The following SNRNP48 variants were observed in gnomAD, a reference collection of about 807,000 sequenced individuals.
SNRNP48 encodes small nuclear ribonucleoprotein U11/U12 subunit 48.
SNRNP48 carries 43 observed loss-of-function variants against 47.0 expected under a neutral mutation model. That is an observed-to-expected ratio of 0.92 (90% CI 0.72 to 1.18). SNRNP48 has a LOEUF of 1.18. Among genes scored for constraint, SNRNP48 ranks in the 50% most tolerant of loss-of-function variants. The probability of loss-of-function intolerance (pLI) is 0.00; values close to 1 mark genes in which losing one functional copy is unlikely to be tolerated. For missense variants in SNRNP48, 396 were observed against 422.2 expected (o/e 0.94, Z 0.54); for synonymous variants, 138 against 144.0 (o/e 0.96, Z 0.30).
intron 6 of SNRNP48, 24 bp downstream of exon 6, chr6:7,602,768 G>A: frequency 2.6e-6 from 4 of 1,513,252 alleles, no homozygotes; most frequent in Non-Finnish European, 2.6e-6. Context: ...AATCTTTGTT[G>A]ATAAGAATTT....
intron 7 of SNRNP48, among the ~76,000 whole-genome samples, chr6:7,605,791 C>T (rs139550320): frequency 6.6e-6 from 1 of 152,294 alleles, no homozygotes; most frequent in East Asian, 1.9e-4. Context: ...TTATGTCCTA[C>T]TGCTCAAGGT....
chr6:7,594,928 T>A, intron 3 of SNRNP48, 99 bp from the exon 4 acceptor site: 5 of 930,038 alleles, frequency 5.4e-6, no homozygotes, highest in Non-Finnish European at 8.2e-6. Context: ...GGAAGGTTTG[T>A]CCACGTGCCC....
chr6:7,600,198 T>TAA (rs1271466994), intron 4 of SNRNP48: 7 of 986,886 alleles, frequency 7.1e-6, no homozygotes. Context: ...ATAGCCGTGT[T>TAA]AAACCATGGC....
chr6:7,601,910 G>T (rs968974622), intron 5 of SNRNP48, among the ~76,000 whole-genome samples: 5 of 152,086 alleles, frequency 3.3e-5, no homozygotes, highest in Non-Finnish European at 4.4e-5. Context: ...CTGGAATGCA[G>T]TAGCGCGATC....
rs1237488711 is a variant in SNRNP48 at position 7,610,102 on chromosome 6, T to G, written c.*1229T>G. Reference sequence around the variant, plus strand: ...TTTTTTGTTGCTGAGTAGTATGTTCTATCTTATGTCAGATCATTCACGTGA... The same window carrying G: ...TTTTTTGTTGCTGAGTAGTATGTTCGATCTTATGTCAGATCATTCACGTGA... On this transcript the variant is annotated 3_prime_UTR_variant, in exon 9 of 9. Transcript: ENST00000342415. 1 of 152,246 alleles carries G rather than the reference T, an allele frequency of 6.6e-6. No homozygotes were observed. Among genetic ancestry groups the G allele is most frequent in the Non-Finnish European group, 1.5e-5 (1 of 68,048 alleles). The allele number at this position is 152,246 out of a possible 1,614,324, so 9.4% of individuals were successfully genotyped here.
chr6:7,608,046 C>T (rs571835127), intron 8 of SNRNP48, among the ~76,000 whole-genome samples: 60 of 152,192 alleles, frequency 3.9e-4, no homozygotes, highest in African/African-American at 1.4e-3. Context: ...CATTAGAAGT[C>T]CTCAAAATCT....
intron 3 of SNRNP48, among the ~76,000 whole-genome samples, chr6:7,594,367 A>C (rs1002918371): frequency 2.6e-5 from 4 of 152,206 alleles, no homozygotes; most frequent in Non-Finnish European, 5.9e-5. Flanking sequence ...AGGCAGTGAA[A>C]ACCTTACAAA....
rs1760017642 is a variant in SNRNP48, at chr6:7,601,406, T to G, written c.477T>G (p.Ala159=). 1.2e-6 allele frequency: 2 copies of G among 1,600,494 alleles called. No homozygotes were observed. The highest frequency in any genetic ancestry group is 2.7e-5 in the African/African-American group (2 of 74,156). Reference sequence around the variant, plus strand: ...GGTTTGTTTGTGATCTAACTCAAGCTGATCGTCTTGCCCTCTATGATTTCG... The same window carrying G: ...GGTTTGTTTGTGATCTAACTCAAGCGGATCGTCTTGCCCTCTATGATTTCG... ...HKRFVCDLTQ[A]DRLALYDFVV... The change falls in exon 5 of 9, where the codon GCT becomes GCG. Residue 159 remains alanine (A), a synonymous_variant. Transcript: ENST00000342415.
intron 6 of SNRNP48, 45 bp downstream of exon 6, chr6:7,602,789 A>G (rs748486027): frequency 2.0e-6 from 3 of 1,500,164 alleles, no homozygotes; most frequent in Admixed American, 4.8e-5. Flanking sequence ...CCCTTAGGTA[A>G]TTTTCTAAAT....
At chr6:7,590,445 G>T in intron 1 of SNRNP48, 32 bp downstream of exon 1, 1 of 1,278,630 alleles carries the variant, frequency 7.8e-7, no homozygotes, top group Non-Finnish European at 1.0e-6. Flanking sequence ...CCCTTTCGGG[G>T]ACTATCGGCC....
At chr6:7,591,926 C>A (rs977933936) in intron 1 of SNRNP48, among the ~76,000 whole-genome samples, 2 of 151,954 alleles carry the variant, frequency 1.3e-5, no homozygotes, top group Non-Finnish European at 2.9e-5. Context: ...CCTCACAGAG[C>A]TAGTCCTAGT....
chr6:7,601,742 G>C (rs1036558550), intron 5 of SNRNP48, among the ~76,000 whole-genome samples: 7 of 152,036 alleles, frequency 4.6e-5, no homozygotes, highest in Admixed American at 1.3e-4. Flanking sequence ...AAAAGTGTGT[G>C]GTTGCCTCTG....
At chr6:7,595,232 A>T in intron 4 of SNRNP48, 131 bp downstream of exon 4, 1 of 710,964 alleles carries the variant, frequency 1.4e-6, no homozygotes, top group Non-Finnish European at 2.2e-6. Flanking sequence ...TACATTTAAC[A>T]TTGGGCTAAT....
At position 7,605,622 on chromosome 6, in the gene SNRNP48, C is replaced by T. The variant is rs190976210; in HGVS notation, c.806+136C>T. The T allele has an allele frequency of 1.4e-4, 108 of 788,930 alleles. 1 individual carries two copies. Among genetic ancestry groups the T allele is most frequent in the Admixed American group, 3.2e-4 (13 of 40,198 alleles). 48.9% of individuals were successfully genotyped at this position (788,930 alleles called of 1,614,324 possible). ...ACTCGTGAAAATGCTTTTTGTTTTT[C>T]GTTGTCAGTGCCCAGGGTTATTGTA... On this transcript the variant is annotated intron_variant, in intron 7 of 8. Coordinates refer to ENST00000342415, the MANE Select transcript of SNRNP48 (RefSeq NM_152551.4).
Position 7,593,831 on chromosome 6 carries a change from A to G in SNRNP48, c.254A>G (p.Tyr85Cys), listed in dbSNP as rs762799111. The G allele has an allele frequency of 1.3e-5, 20 of 1,587,142 alleles. 1 individual carries two copies. Among genetic ancestry groups the G allele is most frequent in the African/African-American group, 2.7e-5 (2 of 73,918 alleles). ...MASCRLRKMG[Y>C]TKEEEDEMYN... Reference sequence around the variant, plus strand: ...TCTTGTAGATTGAGGAAAATGGGCTATACCAAAGAAGAAGAGGTACCATAT... The same window carrying G: ...TCTTGTAGATTGAGGAAAATGGGCTGTACCAAAGAAGAAGAGGTACCATAT... The change falls in exon 2 of 9, where the codon TAT (tyrosine) becomes TGT (cysteine). Residue 85 changes from tyrosine to cysteine, a missense_variant. Coordinates refer to ENST00000342415, the MANE Select transcript of SNRNP48 (RefSeq NM_152551.4).
chr6:7,602,170 G>A (rs1478015685), intron 5 of SNRNP48, among the ~76,000 whole-genome samples: 1 of 152,140 alleles, frequency 6.6e-6, no homozygotes, highest in Non-Finnish European at 1.5e-5. Flanking sequence ...GGTATTGAAA[G>A]TAATTTAGAG....
chr6:7,590,622 A>G (rs2744387), intron 1 of SNRNP48, among the ~76,000 whole-genome samples: 84,672 of 152,024 alleles, frequency 0.56, 23,833 homozygotes, highest in Middle Eastern at 0.61. Flanking sequence ...GCGCGCGAGG[A>G]ACTCCCGAAG....
chr6:7,599,898 A>G, intron 4 of SNRNP48: 1 of 1,016,408 alleles, frequency 9.8e-7, no homozygotes, highest in African/African-American at 1.7e-5. Flanking sequence ...AATTGAAGAA[A>G]AGGCTAAAAT....
At position 7,601,389 on chromosome 6, in the gene SNRNP48, T is replaced by G. The variant is rs760970145; in HGVS notation, c.460T>G (p.Cys154Gly). ...TCCTTTGAATCACAAACGGTTTGTTTGTGATCTAACTCAAGCTGATCGTCT... is the reference window on the plus strand; with the variant it reads ...TCCTTTGAATCACAAACGGTTTGTTGGTGATCTAACTCAAGCTGATCGTCT... ...EVPLNHKRFV[C>G]DLTQADRLAL... The change falls in exon 5 of 9, where the codon TGT becomes GGT. Residue 154 changes from cysteine to glycine, a missense_variant. Transcript: ENST00000342415. The G allele has an allele frequency of 1.0e-5, 16 of 1,587,600 alleles. No individual in the cohort carries two copies. The highest frequency in any genetic ancestry group is 2.0e-5 in the Admixed American group (1 of 50,652).
Sources: allele counts gnomAD v4.1 joint callset (sites outside exome capture counted in the v4.1 genomes callset), GRCh38; gene constraint gnomAD v4.1.1; transcripts MANE v1.5; gene names NCBI Gene and HGNC (gene_info 2026-07-23, HGNC 2026-07-21).